Variants in CCSER1 observed in about 807,000 individuals in gnomAD.
CCSER1 encodes the protein coiled-coil serine rich protein 1.
A neutral mutation model predicts 82.0 loss-of-function variants in CCSER1; 41 were observed. The observed-to-expected ratio is 0.50, with a 90% CI of 0.39 to 0.65. The LOEUF is 0.65. CCSER1 is among the 30% of genes least tolerant of loss of function. CCSER1 has a pLI of 0.00. For missense variants in CCSER1, 1,119 were observed against 1,064.2 expected (o/e 1.05, Z -0.72); for synonymous variants, 414 against 383.9 (o/e 1.08, Z -0.92).
intron 1 of CCSER1, among the ~76,000 whole-genome samples, chr4:90,198,465 T>C (rs1055347920): frequency 9.9e-5 from 15 of 152,178 alleles, no homozygotes; most frequent in African/African-American, 3.6e-4. Flanking sequence ...GGTTTGGTGC[T>C]ATGTAAGAAC....
At chr4:90,293,170 T>G (rs975768902) in intron 1 of CCSER1, among the ~76,000 whole-genome samples, 18 of 151,490 alleles carry the variant, frequency 1.2e-4, no homozygotes, top group Admixed American at 1.1e-3. Context: ...TACAGTTTTA[T>G]TTTAGACATA....
chr4:91,510,060 C>T (rs148716087), intron 10 of CCSER1, among the ~76,000 whole-genome samples: 7 of 152,184 alleles, frequency 4.6e-5, no homozygotes, highest in African/African-American at 9.6e-5. Flanking sequence ...TTCTTATGCC[C>T]GTGAGTACCC....
At chr4:91,150,621 T>C (rs1188162447) in intron 10 of CCSER1, among the ~76,000 whole-genome samples, 2 of 152,214 alleles carry the variant, frequency 1.3e-5, no homozygotes, top group Non-Finnish European at 2.9e-5. Flanking sequence ...TGTGGGTTTG[T>C]CATAAAATAG....
At chr4:90,829,953 C>T (rs1218162453) in intron 8 of CCSER1, among the ~76,000 whole-genome samples, 2 of 152,142 alleles carry the variant, frequency 1.3e-5, no homozygotes, top group African/African-American at 2.4e-5. Context: ...CATCACACTT[C>T]GCCATTTTGA....
chr4:91,483,825 A>G (rs1758078299), intron 10 of CCSER1, among the ~76,000 whole-genome samples: 1 of 152,178 alleles, frequency 6.6e-6, no homozygotes, highest in Non-Finnish European at 1.5e-5. Context: ...GCGTTCTAAC[A>G]ATGCGAACTT....
At chr4:90,171,074 ATTTATGCCTGTTT>A (rs1731572415) in intron 1 of CCSER1, among the ~76,000 whole-genome samples, 1 of 151,794 alleles carries the variant, frequency 6.6e-6, no homozygotes, top group Non-Finnish European at 1.5e-5. Flanking sequence ...ACTTTTATGC[ATTTATGCCTGTTT>A]CAAAAGATCT....
At chr4:91,515,134 A>C (rs1760034586) in intron 10 of CCSER1, among the ~76,000 whole-genome samples, 1 of 152,104 alleles carries the variant, frequency 6.6e-6, no homozygotes, top group Non-Finnish European at 1.5e-5. Flanking sequence ...TATTATTTTA[A>C]AACTGTTTGT....
intron 10 of CCSER1, among the ~76,000 whole-genome samples, chr4:91,551,299 T>A (rs753720630): frequency 9.2e-5 from 14 of 152,270 alleles, no homozygotes; most frequent in Non-Finnish European, 1.0e-4. Context: ...AAAGGAAAAT[T>A]TCTTTAAATG....
chr4:91,567,544 T>G (rs1278882194), intron 10 of CCSER1, among the ~76,000 whole-genome samples: 2 of 151,722 alleles, frequency 1.3e-5, no homozygotes, highest in East Asian at 3.9e-4. Flanking sequence ...AGAACTTGCT[T>G]TATGAATCTG....
chr4:91,036,412 T>G (rs1741439105), intron 9 of CCSER1, among the ~76,000 whole-genome samples: 1 of 152,164 alleles, frequency 6.6e-6, no homozygotes, highest in Non-Finnish European at 1.5e-5. Context: ...CTCAATATCT[T>G]AAAGATATAT....
At chr4:90,417,041 C>G (rs1026182090) in intron 4 of CCSER1, among the ~76,000 whole-genome samples, 1 of 152,018 alleles carries the variant, frequency 6.6e-6, no homozygotes, top group African/African-American at 2.4e-5. Flanking sequence ...CACACCAGGG[C>G]CTGTCAGTGG....
chr4:91,552,099 T>C (rs1033354237), intron 10 of CCSER1, among the ~76,000 whole-genome samples: 3 of 151,760 alleles, frequency 2.0e-5, no homozygotes, highest in Admixed American at 2.0e-4. Context: ...AATATAATTT[T>C]TAATGTATGA....
intron 3 of CCSER1, among the ~76,000 whole-genome samples, chr4:90,342,158 G>A (rs189610193): frequency 1.6e-3 from 237 of 152,242 alleles, no homozygotes; most frequent in African/African-American, 5.5e-3. Context: ...ATTTGAAAGC[G>A]AGGGATATAC....
chr4:90,391,856 CTT>C (rs1462058322), intron 3 of CCSER1, among the ~76,000 whole-genome samples: 1 of 151,892 alleles, frequency 6.6e-6, no homozygotes, highest in East Asian at 1.9e-4. Context: ...TATTTTAACT[CTT>C]ATATTATTTT....
chr4:90,775,625 T>C (rs1752793964), intron 7 of CCSER1, among the ~76,000 whole-genome samples: 1 of 152,210 alleles, frequency 6.6e-6, no homozygotes, highest in Admixed American at 6.5e-5. Flanking sequence ...TATAAATATG[T>C]AGATTTCACA....
chr4:90,638,601 A>T, intron 6 of CCSER1, among the ~76,000 whole-genome samples: 1 of 152,344 alleles, frequency 6.6e-6, no homozygotes, highest in East Asian at 1.9e-4. Flanking sequence ...TTAGATAATG[A>T]CATCTCTTAG....
chr4:90,778,502 A>G (rs1650513224), intron 7 of CCSER1, among the ~76,000 whole-genome samples: 1 of 149,912 alleles, frequency 6.7e-6, no homozygotes, highest in Admixed American at 6.7e-5. Flanking sequence ...ATTAAATGGC[A>G]GTATCTTATT....
intron 6 of CCSER1, among the ~76,000 whole-genome samples, chr4:90,698,722 A>G (rs62314427): frequency 0.057 from 8,741 of 152,244 alleles, 358 homozygotes; most frequent in Admixed American, 0.11. Context: ...GAATTAACCG[A>G]CAATAGACAG....
chr4:90,178,427 T>C (rs770565339), intron 1 of CCSER1, among the ~76,000 whole-genome samples: 1 of 152,160 alleles, frequency 6.6e-6, no homozygotes, highest in Non-Finnish European at 1.5e-5. Flanking sequence ...TTTAACCACA[T>C]ACTTTTATAT....
Sources: allele counts gnomAD v4.1 joint callset (sites outside exome capture counted in the v4.1 genomes callset), GRCh38; gene constraint gnomAD v4.1.1; transcripts MANE v1.5; gene names NCBI Gene and HGNC (gene_info 2026-07-23, HGNC 2026-07-21).